TACC2: variants seen among roughly 807,000 people sequenced by gnomAD.
TACC2 encodes the protein transforming acidic coiled-coil containing protein 2, also known as transforming acidic coiled-coil-containing protein 2.
TACC2 carries 137 observed loss-of-function variants against 227.3 expected under a neutral mutation model. The ratio of observed to expected loss-of-function variants is 0.60; its 90% CI spans 0.52 to 0.69. The LOEUF (loss-of-function observed/expected upper bound fraction) is 0.69. Among genes scored for constraint, TACC2 ranks in the 30% least tolerant of loss-of-function variants. The pLI is 0.00. For synonymous variants in TACC2, 1,523 were observed against 1,487.5 expected (o/e 1.02, Z -0.55); for missense variants, 3,470 against 3,694.4 (o/e 0.94, Z 1.57).
chr10:122,201,558 G>C (rs1054977730), intron 8 of TACC2, among the ~76,000 whole-genome samples: 1 of 152,240 alleles, frequency 6.6e-6, no homozygotes, highest in Non-Finnish European at 1.5e-5. Context: ...CTTGGATGGA[G>C]ACACCACCAA....
chr10:122,101,159 T>C (rs1418714016), intron 5 of TACC2, among the ~76,000 whole-genome samples: 1 of 148,162 alleles, frequency 6.7e-6, no homozygotes. Context: ...TCAAATCTGC[T>C]GCTTATTCAT....
At chr10:122,243,031 C>A (rs1260095891) in intron 19 of TACC2, among the ~76,000 whole-genome samples, 1 of 152,168 alleles carries the variant, frequency 6.6e-6, no homozygotes, top group Non-Finnish European at 1.5e-5. Flanking sequence ...GCAACCTCCA[C>A]CCCCCAGGTT....
rs370693437 is a variant in TACC2 at position 122,162,571 on chromosome 10, G to A, written c.5834+18865G>A. On this transcript the variant is annotated intron_variant, in intron 7 of 22. Transcript: ENST00000369005. ...GCATGAGGGGATGGTGGGGTTCCCA[G>A]GTGTGCCCCAAACCTCCTGTACCTA... Among the ~76,000 whole-genome samples the A allele has an allele frequency of 3.2e-4, 48 of 152,300 alleles. No individual in the cohort carries two copies. In the East Asian group the frequency reaches 4.3e-3, roughly 13 times the overall value.
At position 122,083,224 on chromosome 10, in the gene TACC2, G is replaced by A; in HGVS notation, c.724G>A (p.Gly242Arg). The A allele has an allele frequency of 6.2e-7, 1 of 1,613,476 alleles. No individual in the cohort carries two copies. Among genetic ancestry groups the A allele is most frequent in the South Asian group, 1.1e-5 (1 of 91,072 alleles). The change falls in exon 4 of 23, where the codon GGG (glycine) becomes AGG (arginine). Residue 242 changes from glycine (G) to arginine (R), a missense_variant. This residue lies in a region of TACC2 where 405 missense variants were observed against 389.6 expected (regional missense o/e 1.04). Transcript: ENST00000369005. ...GGFPPAESRQ[G>R]VASVQVTPEA... is the part of the protein sequence containing the mutation. ...CTTTCCCCCTGCAGAGTCCAGGCAG[G>A]GGGTGGCTTCTGTGCAAGTGACCCC...
intron 5 of TACC2, among the ~76,000 whole-genome samples, chr10:122,097,002 C>A (rs2081516358): frequency 6.6e-6 from 1 of 152,054 alleles, no homozygotes; most frequent in Non-Finnish European, 1.5e-5. Context: ...TTTCCTTTTG[C>A]AAGCCTGGCC....
At chr10:122,140,577 C>T (rs1431696926) in intron 6 of TACC2, among the ~76,000 whole-genome samples, 2 of 152,208 alleles carry the variant, frequency 1.3e-5, no homozygotes, top group Non-Finnish European at 2.9e-5. Context: ...ACAGAATGTG[C>T]GGACCCCATA....
intron 21 of TACC2, 132 bp from the exon 22 acceptor site, chr10:122,249,412 T>C (rs2273794): frequency 0.36 from 464,089 of 1,289,130 alleles, 85,930 homozygotes; most frequent in South Asian, 0.43. Context: ...TCTCATGGGC[T>C]CCTGTGCTCC....
chr10:122,156,088 C>T (rs1243545262), intron 7 of TACC2, among the ~76,000 whole-genome samples: 4 of 150,200 alleles, frequency 2.7e-5, no homozygotes, highest in South Asian at 2.1e-4. Context: ...CCGCCTGCCT[C>T]GGCCTCCCAA....
chr10:122,066,228 C>G (rs1028241529), intron 3 of TACC2, among the ~76,000 whole-genome samples: 1 of 151,874 alleles, frequency 6.6e-6, no homozygotes, highest in Non-Finnish European at 1.5e-5. Context: ...CTGCCTCAGC[C>G]CCCCAAGTAG....
chr10:122,212,474 G>A (rs1803469358), intron 9 of TACC2, among the ~76,000 whole-genome samples: 1 of 152,058 alleles, frequency 6.6e-6, no homozygotes, highest in Non-Finnish European at 1.5e-5. Flanking sequence ...CCCAGGACCC[G>A]GCTCTAATGT....
chr10:122,133,943 G>A (rs1289360655), intron 6 of TACC2, among the ~76,000 whole-genome samples: 1 of 152,172 alleles, frequency 6.6e-6, no homozygotes, highest in Non-Finnish European at 1.5e-5. Flanking sequence ...GGGGGGACAG[G>A]GACCTGGGGG....
intron 5 of TACC2, chr10:122,113,350 C>T: frequency 6.6e-6 from 1 of 152,316 alleles, no homozygotes; most frequent in East Asian, 1.9e-4. Flanking sequence ...CTTTCCCCGG[C>T]AGGGACTGGC....
At chr10:122,247,806 C>CTGGGTGACAG (rs2096159459) in intron 19 of TACC2, 1 of 152,196 alleles carries the variant, frequency 6.6e-6, no homozygotes, top group Admixed American at 6.5e-5. Context: ...TGCTCAGTAC[C>CTGGGTGACAG]TGGGTGACAG....
chr10:122,250,248 C>T (rs1430724708), intron 22 of TACC2, among the ~76,000 whole-genome samples: 1 of 152,198 alleles, frequency 6.6e-6, no homozygotes, highest in East Asian at 1.9e-4. Context: ...GCCCTCTGAG[C>T]GTTGGGCTGT....
chr10:122,231,870 T>C (rs1186890909), intron 16 of TACC2, among the ~76,000 whole-genome samples: 1 of 152,190 alleles, frequency 6.6e-6, no homozygotes, highest in East Asian at 1.9e-4. Context: ...TGGGAGCCCC[T>C]GGCCTGCCTG....
intron 2 of TACC2, among the ~76,000 whole-genome samples, chr10:122,028,682 T>A (rs1236348923): frequency 6.6e-6 from 1 of 152,018 alleles, no homozygotes; most frequent in Non-Finnish European, 1.5e-5. Flanking sequence ...AGGGGCTGTT[T>A]TATTTATTTA....
chr10:122,161,994 A>C (rs879807565), intron 7 of TACC2, among the ~76,000 whole-genome samples: 11 of 152,228 alleles, frequency 7.2e-5, no homozygotes, highest in Non-Finnish European at 1.5e-4. Context: ...CCACCAAGTG[A>C]CATCCAATGC....
chr10:122,069,173 T>C lies in TACC2; in HGVS notation c.147-13474T>C, dbSNP rs529404508. Among the ~76,000 whole-genome samples, 87 of 151,692 alleles carry C rather than the reference T, an allele frequency of 5.7e-4. 1 individual carries two copies. In the East Asian group the frequency reaches 0.017, roughly 29 times the overall value. Reference sequence around the variant, plus strand: ...GGGCTCCACCTGGAACCCCCTTCTCTGTGCCGCTTTCTCCAGACCTTCAGT... The same window carrying C: ...GGGCTCCACCTGGAACCCCCTTCTCCGTGCCGCTTTCTCCAGACCTTCAGT... On this transcript the variant is annotated intron_variant, in intron 3 of 22. Transcript: ENST00000369005.
intron 2 of TACC2, among the ~76,000 whole-genome samples, chr10:122,037,397 A>G (rs1234633658): frequency 2.6e-5 from 4 of 152,206 alleles, no homozygotes; most frequent in Non-Finnish European, 5.9e-5. Context: ...CTCACTCACC[A>G]TGGGGGTGAG....
Sources: gnomAD v4.1 joint callset for allele counts (sites outside exome capture counted in the v4.1 genomes callset) on GRCh38, gnomAD v4.1.1 for gene constraint, gnomAD v4.1.1 regional missense constraint, MANE v1.5 for transcripts, NCBI Gene and HGNC (gene_info 2026-07-23, HGNC 2026-07-21) for gene names.